GPATCH1: variants seen among roughly 807,000 people sequenced by gnomAD.
GPATCH1 encodes G patch domain-containing protein 1.
GPATCH1 carries 73 observed loss-of-function variants against 114.9 expected under a neutral mutation model. The observed-to-expected ratio is 0.64, with a 90% CI of 0.53 to 0.77. The LOEUF is 0.77. GPATCH1 is among the 30% of genes least tolerant of loss of function. GPATCH1 has a pLI of 0.00. For synonymous variants in GPATCH1, 391 were observed against 428.4 expected, an observed-to-expected ratio of 0.91 and a Z score of 1.08; for missense variants, 1,058 against 1,144.3, an observed-to-expected ratio of 0.92 and a Z score of 1.09.
rs1341107189 is a variant in GPATCH1 at position 33,097,891 on chromosome 19, A to G, written c.989A>G (p.Lys330Arg). 9 of 1,613,998 alleles carry G rather than the reference A, an allele frequency of 5.6e-6. No individual in the cohort carries two copies. The highest frequency in any genetic ancestry group is 7.6e-6 in the Non-Finnish European group (9 of 1,179,950). ...LYGWTAPRQY[K>R]NQKESEKDLR... ...GGCTGGACAGCACCCAGGCAGTATAAAAACCAGAAAGGTAATTCGACAGCC... is the reference window on the plus strand; with the variant it reads ...GGCTGGACAGCACCCAGGCAGTATAGAAACCAGAAAGGTAATTCGACAGCC... Residue 330 changes from lysine (K) to arginine (R), a missense_variant, in exon 8 of 20, where the codon AAA becomes AGA. Physicochemically the swap from Lys to Arg is conservative, Grantham distance 26. Coordinates refer to ENST00000170564, the MANE Select transcript of GPATCH1 (RefSeq NM_018025.3).
At position 33,111,407 on chromosome 19, in the gene GPATCH1, G is replaced by T. The variant is rs78633340; in HGVS notation, c.1586-317G>T. Among the ~76,000 whole-genome samples, 3 of 132,764 alleles carry T rather than the reference G, an allele frequency of 2.3e-5. No homozygotes were observed. In the South Asian group the frequency reaches 7.6e-4, roughly 34 times the overall value. The allele number at this position is 132,764 out of a possible 152,430, so 87.1% of individuals were successfully genotyped here. A position where few individuals can be genotyped will look rare whatever the true frequency, so the allele number is the denominator to read the frequency against. On this transcript the variant is annotated intron_variant, in intron 11 of 19. Coordinates refer to ENST00000170564, the MANE Select transcript of GPATCH1 (RefSeq NM_018025.3). ...TCAGAAAAAAAAAAAAAAAAAAAAA[G>T]AGAGATGGGGTTTCACCATGTTTGC... is the stretch of plus-strand genomic sequence containing the variant.
At chr19:33,126,266 C>T (rs565391287) in intron 18 of GPATCH1, among the ~76,000 whole-genome samples, 6 of 152,268 alleles carry the variant, frequency 3.9e-5, no homozygotes, top group East Asian at 1.9e-4. Context: ...TCAGGTTCAC[C>T]GGAGGTGGCA....
At chr19:33,113,622 T>A (rs1444504166) in intron 13 of GPATCH1, 145 bp from the exon 14 acceptor site, 1 of 613,898 alleles carries the variant, frequency 1.6e-6, no homozygotes, top group African/African-American at 1.9e-5. Flanking sequence ...TCACCCAGAT[T>A]CTCGAACTGC....
At position 33,126,722 on chromosome 19, in the gene GPATCH1, G is replaced by A; in HGVS notation, c.2754G>A (p.Glu918=). Residue 918 remains glutamate, a synonymous_variant, in exon 19 of 20, where the codon GAG becomes GAA. Transcript: ENST00000170564. ...AAACCGCAGACGTGTCGCCCCAGGAGCTGCTGAGACGGTGGGTAGTGGGAG... is the reference window on the plus strand; with the variant it reads ...AAACCGCAGACGTGTCGCCCCAGGAACTGCTGAGACGGTGGGTAGTGGGAG... The part of the protein sequence containing the change: ...DEETADVSPQ[E]LLRRLKSLPL... 2 of 1,612,342 alleles carry A rather than the reference G, an allele frequency of 1.2e-6. No individual in the cohort carries two copies. The highest frequency in any genetic ancestry group is 1.7e-6 in the Non-Finnish European group (2 of 1,179,640).
intron 19 of GPATCH1, among the ~76,000 whole-genome samples, chr19:33,129,899 G>A (rs1278026800): frequency 2.7e-5 from 4 of 149,650 alleles, no homozygotes; most frequent in African/African-American, 7.4e-5. Context: ...AGCTGAGATC[G>A]CACCACTGCG....
In GPATCH1 at chr19:33,089,899, C is replaced by T. The variant is rs915533426; in HGVS notation, c.209-881C>T. On this transcript the variant is annotated intron_variant, in intron 2 of 19. Coordinates refer to ENST00000170564, the MANE Select transcript of GPATCH1 (RefSeq NM_018025.3). ...CTTCCCCAAGTGCTGGGATTACAGG[C>T]GTGAGCCACCATGCCCGGCCTTACC... Among the ~76,000 whole-genome samples, 6 of 151,940 alleles carry T rather than the reference C, an allele frequency of 3.9e-5. No homozygotes were observed. The East Asian group carries it at 7.7e-4, about 20-fold the overall frequency.
chr19:33,102,178 A>G (rs1210565817), intron 9 of GPATCH1, among the ~76,000 whole-genome samples: 3 of 151,590 alleles, frequency 2.0e-5, no homozygotes, highest in African/African-American at 7.3e-5. Context: ...TACTAAAAAT[A>G]CAAAAATTAG....
At chr19:33,129,566 A>G (rs1311578891) in intron 19 of GPATCH1, among the ~76,000 whole-genome samples, 2 of 152,166 alleles carry the variant, frequency 1.3e-5, no homozygotes, top group African/African-American at 2.4e-5. Flanking sequence ...AAGACTAGGG[A>G]AAAAAGTTGC....
chr19:33,125,091 C>T lies in GPATCH1; in HGVS notation c.2522-14C>T. 6.3e-7 allele frequency: 1 copy of T among 1,588,076 alleles called. No homozygotes were observed. The highest frequency in any genetic ancestry group is 8.6e-7 in the Non-Finnish European group (1 of 1,167,258). On this transcript the variant is annotated splice_polypyrimidine_tract_variant and intron_variant, in intron 17 of 19. Coordinates refer to ENST00000170564, the MANE Select transcript of GPATCH1 (RefSeq NM_018025.3). ...TGCTATATAGGTCCTGTGTTTATTACCTTTGTGTTTCAGATGCTCGTCAGA... is the reference window on the plus strand; with the variant it reads ...TGCTATATAGGTCCTGTGTTTATTATCTTTGTGTTTCAGATGCTCGTCAGA...
intron 7 of GPATCH1, among the ~76,000 whole-genome samples, chr19:33,097,271 T>G (rs1161121805): frequency 6.6e-6 from 1 of 152,220 alleles, no homozygotes; most frequent in East Asian, 1.9e-4. Flanking sequence ...AACGTGTTTT[T>G]TTTTCAGTCT....
intron 14 of GPATCH1, among the ~76,000 whole-genome samples, 157 bp from the exon 15 acceptor site, chr19:33,114,096 C>T (rs548484438): frequency 2.6e-5 from 4 of 152,264 alleles, no homozygotes; most frequent in South Asian, 2.1e-4. Flanking sequence ...GGGGTTGGGG[C>T]TCTGTCTCTG....
At chr19:33,102,790 A>G (rs939250190) in intron 9 of GPATCH1, among the ~76,000 whole-genome samples, 2 of 152,218 alleles carry the variant, frequency 1.3e-5, no homozygotes, top group Non-Finnish European at 2.9e-5. Context: ...TTCTAGGGGA[A>G]ATGTAGGTTA....
rs769113391 is a variant in GPATCH1, at chr19:33,095,751, C to T, written c.554-11C>T. The stretch of plus-strand genomic sequence containing the variant: ...CACTCATGACTATTGCATTTGAAAT[C>T]TCTTTTCTAGATCCTGGAGTCAAAA... On this transcript the variant is annotated splice_polypyrimidine_tract_variant and intron_variant, in intron 5 of 19. Transcript: ENST00000170564. The T allele has an allele frequency of 5.6e-6, 9 of 1,599,126 alleles. No individual in the cohort carries two copies. Among genetic ancestry groups the T allele is most frequent in the Non-Finnish European group, 7.7e-6 (9 of 1,168,406 alleles).
rs571969550 is a variant in GPATCH1, at chr19:33,089,659, C to T, written c.209-1121C>T. ...TTCCTGAGATGTAGTCTCACTCTGT[C>T]GCCCAGGCTGGAGTGCAATGGCATG... On this transcript the variant is annotated intron_variant, in intron 2 of 19. Coordinates refer to ENST00000170564, the MANE Select transcript of GPATCH1 (RefSeq NM_018025.3). 2.7e-5 allele frequency among the ~76,000 whole-genome samples: 4 copies of T among 149,646 alleles called. No homozygotes were observed. In the South Asian group the frequency reaches 6.4e-4, roughly 24 times the overall value.
chr19:33,124,287 AT>A (rs1973016869), intron 17 of GPATCH1, among the ~76,000 whole-genome samples: 1 of 152,226 alleles, frequency 6.6e-6, no homozygotes, highest in South Asian at 2.1e-4. Flanking sequence ...GAGATGGAGA[AT>A]TGAGGCACAT....
At chr19:33,117,360 C>T (rs925131133) in intron 15 of GPATCH1, among the ~76,000 whole-genome samples, 2 of 152,068 alleles carry the variant, frequency 1.3e-5, no homozygotes, top group East Asian at 1.9e-4. Flanking sequence ...TGTTAAGTTG[C>T]CTGAATCTGA....
chr19:33,104,068 G>T (rs1026925958), intron 9 of GPATCH1, among the ~76,000 whole-genome samples: 1 of 151,934 alleles, frequency 6.6e-6, no homozygotes, highest in South Asian at 2.1e-4. Flanking sequence ...GGTGGCTTAC[G>T]CCTGTAATCC....
At chr19:33,082,528 C>A (rs1273540887) in intron 1 of GPATCH1, among the ~76,000 whole-genome samples, 1 of 152,116 alleles carries the variant, frequency 6.6e-6, no homozygotes, top group African/African-American at 2.4e-5. Flanking sequence ...ACTGGCCCTT[C>A]TTCTACCCTC....
intron 17 of GPATCH1, among the ~76,000 whole-genome samples, chr19:33,120,305 ATT>A (rs1491254362): frequency 1.3e-5 from 1 of 76,418 alleles, no homozygotes; most frequent in African/African-American, 9.9e-5. Flanking sequence ...AAAATTATAT[ATT>A]TTATACATAA....
Sources: allele counts gnomAD v4.1 joint callset (sites outside exome capture counted in the v4.1 genomes callset), GRCh38; gene constraint gnomAD v4.1.1; transcripts MANE v1.5; gene names NCBI Gene and HGNC (gene_info 2026-07-23, HGNC 2026-07-21).